Variants in CRTAC1 observed in about 807,000 individuals in gnomAD.
CRTAC1 encodes the protein cartilage acidic protein 1.
Under a neutral mutation model 67.8 loss-of-function variants are expected in CRTAC1, and 37 were observed. The ratio of observed to expected loss-of-function variants is 0.55; its 90% CI spans 0.42 to 0.72. The LOEUF is 0.72. Ranked by LOEUF, CRTAC1 falls within the 30% of genes least tolerant of loss-of-function variation. The probability of loss-of-function intolerance (pLI) is 0.00; values close to 1 mark genes in which losing one functional copy is unlikely to be tolerated. For synonymous variants in CRTAC1, 348 were observed against 371.0 expected (o/e 0.94, Z 0.71); for missense variants, 780 against 931.6 (o/e 0.84, Z 2.12).
At position 97,895,230 on chromosome 10, in the gene CRTAC1, C is replaced by A. The variant is rs752271540; in HGVS notation, c.1486+15G>T. The A allele has an allele frequency of 1.2e-6, 2 of 1,605,708 alleles. No individual in the cohort carries two copies. Among genetic ancestry groups the A allele is most frequent in the Non-Finnish European group, 1.7e-6 (2 of 1,179,472 alleles). On this transcript the variant is annotated intron_variant, in intron 11 of 14. Transcript: ENST00000370597. The surrounding 1 kb of genome is among the most constrained non-coding windows in gnomAD (Gnocchi z 4.2). ...CTGATAACAGCTCACTGTCCCCCACCGGACCCCGACTCACCCAGGCCAAAG... is the reference window on the plus strand; with the variant it reads ...CTGATAACAGCTCACTGTCCCCCACAGGACCCCGACTCACCCAGGCCAAAG...
chr10:98,006,458 C>T (rs998481126), intron 2 of CRTAC1, among the ~76,000 whole-genome samples: 8 of 152,180 alleles, frequency 5.3e-5, no homozygotes, highest in Non-Finnish European at 7.3e-5. Context: ...GTCCCTCCCC[C>T]ATCCCCGCAG....
chr10:97,968,938 C>T (rs930170840), intron 2 of CRTAC1, among the ~76,000 whole-genome samples: 4 of 152,178 alleles, frequency 2.6e-5, no homozygotes, highest in Non-Finnish European at 4.4e-5. Context: ...ATTTTTAAAA[C>T]CATATCTCTA....
At chr10:98,015,100 C>T (rs144359042) in intron 1 of CRTAC1, among the ~76,000 whole-genome samples, 2 of 151,766 alleles carry the variant, frequency 1.3e-5, no homozygotes, top group East Asian at 3.9e-4. Context: ...GCATACAGTG[C>T]AATATTATTC....
chr10:97,984,690 C>A (rs2051951452), intron 2 of CRTAC1, among the ~76,000 whole-genome samples: 1 of 152,162 alleles, frequency 6.6e-6, no homozygotes, highest in South Asian at 2.1e-4. Flanking sequence ...ACCACTGAAC[C>A]AGGTACATGA....
At chr10:97,905,441 C>T (rs1041815417) in intron 6 of CRTAC1, among the ~76,000 whole-genome samples, 1 of 152,200 alleles carries the variant, frequency 6.6e-6, no homozygotes, top group East Asian at 1.9e-4. Context: ...CTCCGGGAAG[C>T]CCTCCCTGAC....
chr10:97,956,556 A>T (rs865942777), intron 2 of CRTAC1, among the ~76,000 whole-genome samples: 1 of 146,104 alleles, frequency 6.8e-6, no homozygotes, highest in African/African-American at 2.4e-5. Context: ...ATGCAGTAAC[A>T]GTGATGATTA....
chr10:97,880,193 C>T (rs1392175931), intron 14 of CRTAC1, 56 bp downstream of exon 14: 1 of 1,594,034 alleles, frequency 6.3e-7, no homozygotes, highest in Middle Eastern at 1.7e-4. Flanking sequence ...ACCCAGAGCT[C>T]CCCAGTGGAA....
intron 2 of CRTAC1, among the ~76,000 whole-genome samples, chr10:97,994,611 T>C (rs1590273022): frequency 6.6e-6 from 1 of 152,200 alleles, no homozygotes; most frequent in African/African-American, 2.4e-5. Flanking sequence ...CGGCATTCTC[T>C]CAGGTTCCTC....
intron 2 of CRTAC1, among the ~76,000 whole-genome samples, chr10:97,988,252 CT>C (rs1364665369): frequency 7.7e-6 from 1 of 129,718 alleles, no homozygotes; most frequent in Non-Finnish European, 1.6e-5. Flanking sequence ...TAGATCCTCT[CT>C]TTTTTGGGGT....
intron 3 of CRTAC1, among the ~76,000 whole-genome samples, chr10:97,932,971 C>T (rs183851125): frequency 3.8e-4 from 58 of 152,360 alleles, no homozygotes; most frequent in Non-Finnish European, 6.6e-4. Flanking sequence ...GGAACTCCAA[C>T]GCTAGCATCC....
chr10:97,918,587 T>A (rs1471454334), intron 4 of CRTAC1, among the ~76,000 whole-genome samples: 2 of 152,138 alleles, frequency 1.3e-5, no homozygotes, highest in Non-Finnish European at 2.9e-5. Context: ...TAAGACAAAG[T>A]CCCTGACCGT....
chr10:97,880,230 T>C lies in CRTAC1; in HGVS notation c.1819+19A>G, dbSNP rs753269828. ...GCAACATCCTTTTGCTACTGGCCTA[T>C]GGCTGGGGCCCCACTCACCCACGCA... On this transcript the variant is annotated intron_variant, in intron 14 of 14. Transcript: ENST00000370597. 2.5e-6 allele frequency: 4 copies of C among 1,612,722 alleles called. No homozygotes were observed. In the African/African-American group the frequency reaches 5.3e-5, roughly 22 times the overall value.
At chr10:97,918,563 G>A (rs1187277887) in intron 4 of CRTAC1, among the ~76,000 whole-genome samples, 2 of 152,272 alleles carry the variant, frequency 1.3e-5, no homozygotes, top group East Asian at 1.9e-4. Flanking sequence ...CAAGTGCTGT[G>A]TTAAAAATGT....
At chr10:97,907,928 C>T in intron 6 of CRTAC1, 85 bp downstream of exon 6, 1 of 1,474,480 alleles carries the variant, frequency 6.8e-7, no homozygotes, top group Non-Finnish European at 9.3e-7. Flanking sequence ...AAGAGACTAT[C>T]CTGGAGGGGG....
At chr10:97,980,221 G>A (rs755905996) in intron 2 of CRTAC1, among the ~76,000 whole-genome samples, 5 of 152,166 alleles carry the variant, frequency 3.3e-5, no homozygotes, top group African/African-American at 1.2e-4. Context: ...GCACACAGTC[G>A]GTGCTCAATG....
rs1390280624 is a variant in CRTAC1 at position 97,975,446 on chromosome 10, GC to G, written c.224+35691del. Among the ~76,000 whole-genome samples the G allele has an allele frequency of 6.6e-6, 1 of 152,084 alleles. No homozygotes were observed. The highest frequency in any genetic ancestry group is 2.4e-5 in the African/African-American group (1 of 41,412). On this transcript the variant is annotated intron_variant, in intron 2 of 14. Coordinates refer to ENST00000370597, the MANE Select transcript of CRTAC1 (RefSeq NM_018058.7). The surrounding 1 kb of genome is among the most constrained non-coding windows in gnomAD (Gnocchi z 4.8). ...GCGGGATGGGGAGCCGGCAGACCTC[GC>G]TTTCTTCTTCTTCTTCAGGGAAGAA...
rs531096979 is a variant in CRTAC1 at position 97,940,851 on chromosome 10, A to C, written c.225-4485T>G. 1.5e-4 allele frequency among the ~76,000 whole-genome samples: 23 copies of C among 152,330 alleles called. No homozygotes were observed. The South Asian group carries it at 3.7e-3, about 25-fold the overall frequency. On this transcript the variant is annotated intron_variant, in intron 2 of 14. Transcript: ENST00000370597. ...AAGAGTTACACAATCAGAAGTTCTT[A>C]TCATTATTTAGAAAAACAACAAACC...
intron 14 of CRTAC1, chr10:97,871,566 G>C (rs1008510106): frequency 6.6e-6 from 1 of 152,306 alleles, no homozygotes; most frequent in Admixed American, 6.5e-5. Flanking sequence ...TAAATGCCAG[G>C]AACATTCATG....
chr10:97,932,735 T>A (rs1471838846), intron 3 of CRTAC1, among the ~76,000 whole-genome samples: 3 of 151,962 alleles, frequency 2.0e-5, no homozygotes, highest in Non-Finnish European at 4.4e-5. Flanking sequence ...CCGGGTCACA[T>A]AGGAGGGGTG....
Sources: gnomAD v4.1 joint callset for allele counts (sites outside exome capture counted in the v4.1 genomes callset) on GRCh38, gnomAD v4.1.1 for gene constraint, Gnocchi (gnomAD v3.1) non-coding constraint, MANE v1.5 for transcripts, NCBI Gene and HGNC (gene_info 2026-07-23, HGNC 2026-07-21) for gene names.